The following SSR1 variants were observed in gnomAD, a reference collection of about 807,000 sequenced individuals.
SSR1 encodes the protein translocon-associated protein subunit alpha.
SSR1 carries 13 observed loss-of-function variants against 36.1 expected under a neutral mutation model. That is an observed-to-expected ratio of 0.36 (90% CI 0.23 to 0.57). The LOEUF is 0.57. Among genes scored for constraint, SSR1 ranks in the 20% least tolerant of loss-of-function variants. The pLI is 0.81. For synonymous variants in SSR1, 113 were observed against 118.9 expected (o/e 0.95, Z 0.32); for missense variants, 291 against 338.5 (o/e 0.86, Z 1.10).
rs924192106 is a variant in SSR1, at chr6:7,286,118, A to G, written c.*3746T>C. 1 of 152,218 alleles carries G rather than the reference A, an allele frequency of 6.6e-6. No homozygotes were observed. Among genetic ancestry groups the G allele is most frequent in the South Asian group, 2.1e-4 (1 of 4,832 alleles). 9.4% of individuals were successfully genotyped at this position (152,218 alleles called of 1,614,324 possible). A position where few individuals can be genotyped will look rare whatever the true frequency, so the allele number is the denominator to read the frequency against. On this transcript the variant is annotated 3_prime_UTR_variant, in exon 8 of 8. Transcript: ENST00000244763. ...CAGTGAGCTGTCGTAAAGGTGTGTGATATGATGACTAGAAAACAAACAGAA... is the reference window on the plus strand; with the variant it reads ...CAGTGAGCTGTCGTAAAGGTGTGTGGTATGATGACTAGAAAACAAACAGAA...
At chr6:7,306,657 C>T (rs1210774752) in intron 2 of SSR1, among the ~76,000 whole-genome samples, 4 of 151,546 alleles carry the variant, frequency 2.6e-5, no homozygotes, top group African/African-American at 9.7e-5. Context: ...TGGCTCATGC[C>T]TGTAATCCCA....
In SSR1 at chr6:7,297,832, G is replaced by C. The variant is rs1757836283; in HGVS notation, c.699+91C>G. Reference sequence around the variant, plus strand: ...AAAGTTCTACGTATACAAACCCACAGTGACAGTATGAGGCCGAAGAACTAG... The same window carrying C: ...AAAGTTCTACGTATACAAACCCACACTGACAGTATGAGGCCGAAGAACTAG... On this transcript the variant is annotated intron_variant, in intron 6 of 7. Coordinates refer to ENST00000244763, the MANE Select transcript of SSR1 (RefSeq NM_003144.5). The C allele has an allele frequency of 2.2e-5, 20 of 902,432 alleles. No homozygotes were observed. The South Asian group carries it at 3.0e-4, about 14-fold the overall frequency. The allele number at this position is 902,432 out of a possible 1,614,324, so 55.9% of individuals were successfully genotyped here.
In SSR1 at chr6:7,286,260, A is replaced by C. The variant is rs933150784; in HGVS notation, c.*3604T>G. ...CTAAATTTCAAAATCTAAAAAAAAAACCTTAGAACCTCAGATGATATAATT... is the reference window on the plus strand; with the variant it reads ...CTAAATTTCAAAATCTAAAAAAAAACCCTTAGAACCTCAGATGATATAATT... On this transcript the variant is annotated 3_prime_UTR_variant, in exon 8 of 8. Coordinates refer to ENST00000244763, the MANE Select transcript of SSR1 (RefSeq NM_003144.5). 6 of 152,240 alleles carry C rather than the reference A, an allele frequency of 3.9e-5. No individual in the cohort carries two copies. Among genetic ancestry groups the C allele is most frequent in the Admixed American group, 2.0e-4 (3 of 15,292 alleles). 9.4% of individuals were successfully genotyped at this position (152,240 alleles called of 1,614,324 possible).
chr6:7,297,202 G>C (rs1157727741), intron 6 of SSR1: 4 of 122,956 alleles, frequency 3.3e-5, no homozygotes, highest in Non-Finnish European at 6.0e-5. Context: ...CTGGATGAAA[G>C]AGCCAGACTG....
chr6:7,306,300 A>G (rs540506816), intron 2 of SSR1, among the ~76,000 whole-genome samples: 9 of 151,690 alleles, frequency 5.9e-5, no homozygotes, highest in South Asian at 2.1e-4. Flanking sequence ...CCACCACCAC[A>G]CCCGGCAGAT....
At chr6:7,300,322 G>A (rs1369631001) in intron 4 of SSR1, among the ~76,000 whole-genome samples, 1 of 152,186 alleles carries the variant, frequency 6.6e-6, no homozygotes, top group Non-Finnish European at 1.5e-5. Context: ...ACAGAGGAAT[G>A]GTTTAGATGT....
intron 2 of SSR1, among the ~76,000 whole-genome samples, chr6:7,308,216 A>G (rs1758113508): frequency 6.6e-6 from 1 of 152,344 alleles, no homozygotes. Context: ...GGAAATTAGG[A>G]GAGTTCACAA....
intron 5 of SSR1, among the ~76,000 whole-genome samples, chr6:7,298,374 C>T (rs1208255186): frequency 6.6e-6 from 1 of 152,138 alleles, no homozygotes; most frequent in East Asian, 1.9e-4. Flanking sequence ...ATTCATCATT[C>T]AGAAAGAACA....
intron 1 of SSR1, among the ~76,000 whole-genome samples, chr6:7,312,552 A>C (rs1363388425): frequency 6.6e-6 from 1 of 152,196 alleles, no homozygotes; most frequent in Non-Finnish European, 1.5e-5. Flanking sequence ...TGTGTAGAAA[A>C]CAAGGGTTTT....
rs539752231 is a variant in SSR1 at position 7,310,906 on chromosome 6, G to A, written c.80-877C>T. Among the ~76,000 whole-genome samples the A allele has an allele frequency of 2.3e-4, 35 of 152,080 alleles. No homozygotes were observed. The East Asian group carries it at 3.3e-3, about 14-fold the overall frequency. On this transcript the variant is annotated intron_variant, in intron 1 of 7. Coordinates refer to ENST00000244763, the MANE Select transcript of SSR1 (RefSeq NM_003144.5). ...AGCCTGGGCGACACAGCAAGACACC[G>A]TCTCAAAAAAATAAAAATAAAAAAA... is the stretch of plus-strand genomic sequence containing the variant.
At chr6:7,292,928 G>A (rs1757714568) in intron 7 of SSR1, among the ~76,000 whole-genome samples, 1 of 148,330 alleles carries the variant, frequency 6.7e-6, no homozygotes, top group Admixed American at 6.9e-5. Context: ...CTAGCTCACA[G>A]AAAGCAGTAG....
Position 7,298,830 on chromosome 6 carries a change from A to G in SSR1, c.544-7T>C, listed in dbSNP as rs1386435528. 1 of 1,607,444 alleles carries G rather than the reference A, an allele frequency of 6.2e-7. No individual in the cohort carries two copies. The highest frequency in any genetic ancestry group is 8.5e-7 in the Non-Finnish European group (1 of 1,175,782). ...CATCTTGGAATACATTGCCCTGTTT[A>G]AGAAAATAAAATAATCAGAAAAATC... On this transcript the variant is annotated splice_polypyrimidine_tract_variant and splice_region_variant and intron_variant, in intron 4 of 7. Coordinates refer to ENST00000244763, the MANE Select transcript of SSR1 (RefSeq NM_003144.5).
chr6:7,302,663 G>A (rs749169388), intron 3 of SSR1, among the ~76,000 whole-genome samples: 2 of 152,072 alleles, frequency 1.3e-5, no homozygotes, highest in Non-Finnish European at 2.9e-5. Flanking sequence ...TCAGGAGGCT[G>A]AGTCAGGAGA....
In SSR1 at chr6:7,282,711, C is replaced by T. The variant is rs150885907; in HGVS notation, c.*7153G>A. The T allele has an allele frequency of 6.6e-6, 1 of 152,262 alleles. No homozygotes were observed. The highest frequency in any genetic ancestry group is 2.4e-5 in the African/African-American group (1 of 41,464). The allele number at this position is 152,262 out of a possible 1,614,324, so 9.4% of individuals were successfully genotyped here. ...AGTCAAGACAAAACACTTAGAGTGA[C>T]CTTTTGGCCACTGCTGTGTCTGCAG... On this transcript the variant is annotated 3_prime_UTR_variant, in exon 8 of 8. Transcript: ENST00000244763.
rs1447138617 is a variant in SSR1, at chr6:7,295,431, C to T, written c.754G>A (p.Asp252Asn). The part of the protein sequence containing the change: ...EMGTSSQNDV[D>N]MSWIPQETLN... The stretch of plus-strand genomic sequence containing the variant: ...GTTTCCTGAGGAATCCAACTCATGT[C>T]AACATCATTCTGACTTGATGTACCC... The change falls in exon 7 of 8, where the codon GAC becomes AAC. Residue 252 changes from aspartate to asparagine, a missense_variant. Transcript: ENST00000244763. 1.2e-6 allele frequency: 2 copies of T among 1,612,150 alleles called. No homozygotes were observed. Among genetic ancestry groups the T allele is most frequent in the Non-Finnish European group, 1.7e-6 (2 of 1,179,438 alleles).
At chr6:7,296,642 G>C (rs1280989401) in intron 6 of SSR1, among the ~76,000 whole-genome samples, 3 of 151,638 alleles carry the variant, frequency 2.0e-5, no homozygotes, top group African/African-American at 7.3e-5. Context: ...GTTTTTGTAG[G>C]CTGGAGGGAA....
At chr6:7,305,046 C>T (rs888453154) in intron 2 of SSR1, among the ~76,000 whole-genome samples, 16 of 151,876 alleles carry the variant, frequency 1.1e-4, no homozygotes, top group African/African-American at 3.6e-4. Context: ...GAAAAGAGAC[C>T]CATAAGTAGG....
At chr6:7,297,504 T>C (rs1448437284) in intron 6 of SSR1, among the ~76,000 whole-genome samples, 11 of 151,720 alleles carry the variant, frequency 7.3e-5, no homozygotes, top group African/African-American at 2.4e-4. Context: ...GGTGGGCAGA[T>C]TGCTCGAGTT....
chr6:7,290,158 G>A (rs779421207), intron 7 of SSR1, among the ~76,000 whole-genome samples: 77 of 152,152 alleles, frequency 5.1e-4, no homozygotes, highest in Non-Finnish European at 6.5e-4. Context: ...TTGCAATTAG[G>A]GTGGGTAAGA....
Sources: gnomAD v4.1 joint callset for allele counts (sites outside exome capture counted in the v4.1 genomes callset) on GRCh38, gnomAD v4.1.1 for gene constraint, MANE v1.5 for transcripts, NCBI Gene and HGNC (gene_info 2026-07-23, HGNC 2026-07-21) for gene names.